The following SMIM21 variants were observed in gnomAD, a reference collection of about 807,000 sequenced individuals.
The protein encoded by SMIM21 is small integral membrane protein 21, also known as chromosome 18 open reading frame 62.
A neutral mutation model predicts 8.6 loss-of-function variants in SMIM21; 8 were observed. The ratio of observed to expected loss-of-function variants is 0.93; its 90% CI spans 0.55 to 1.68. The LOEUF is 1.68. Among genes scored for constraint, SMIM21 ranks in the 40% most tolerant of loss-of-function variants. SMIM21 has a pLI of 0.00. For synonymous variants in SMIM21, 43 were observed against 41.7 expected, an observed-to-expected ratio of 1.03 and a Z score of -0.12; for missense variants, 132 against 123.0, an observed-to-expected ratio of 1.07 and a Z score of -0.35.
At chr18:75,420,638 G>GTAA in intron 1 of SMIM21, among the ~76,000 whole-genome samples, 1 of 152,348 alleles carries the variant, frequency 6.6e-6, no homozygotes, top group African/African-American at 2.4e-5. Flanking sequence ...GGGCTGAGGA[G>GTAA]TAAGTGATTA....
chr18:75,422,448 A>G (rs938321898), intron 1 of SMIM21, among the ~76,000 whole-genome samples: 1 of 152,188 alleles, frequency 6.6e-6, no homozygotes, highest in Admixed American at 6.5e-5. Context: ...ACAACATAGC[A>G]GTTCTGGTCA....
At chr18:75,411,437 C>T (rs1202441481) in intron 2 of SMIM21, among the ~76,000 whole-genome samples, 2 of 152,232 alleles carry the variant, frequency 1.3e-5, no homozygotes, top group African/African-American at 2.4e-5. Flanking sequence ...CACGGCTAAC[C>T]GTTTTGCTGT....
At chr18:75,418,220 G>A (rs1321187455) in intron 2 of SMIM21, 1 of 398,366 alleles carries the variant, frequency 2.5e-6, no homozygotes, top group African/African-American at 2.1e-5. Context: ...AAATTAATAT[G>A]CCTTCCAGTT....
In SMIM21 at chr18:75,427,601, G is replaced by C; in HGVS notation, c.-38C>G. The C allele has an allele frequency of 6.5e-7, 1 of 1,550,044 alleles. No individual in the cohort carries two copies. Among genetic ancestry groups the C allele is most frequent in the South Asian group, 1.2e-5 (1 of 82,010 alleles). On this transcript the variant is annotated 5_prime_UTR_variant, in exon 1 of 3. It adds an upstream start codon to the 5' untranslated region. Transcript: ENST00000579022. ...GCGGTGACCAGTGAGAGGTCTCCTT[G>C]ATGACAGCGACTCTGAGGACACAGA... is the stretch of plus-strand genomic sequence containing the variant.
At chr18:75,419,893 G>A (rs920115663) in intron 1 of SMIM21, among the ~76,000 whole-genome samples, 7 of 152,132 alleles carry the variant, frequency 4.6e-5, no homozygotes, top group South Asian at 2.1e-4. Context: ...TGCCTCTTTC[G>A]TGTTATGAGG....
intron 2 of SMIM21, among the ~76,000 whole-genome samples, chr18:75,412,756 C>T (rs1425461747): frequency 6.6e-6 from 1 of 152,102 alleles, no homozygotes; most frequent in African/African-American, 2.4e-5. Context: ...TGCTGAGTCT[C>T]AGGAAGACTC....
intron 1 of SMIM21, among the ~76,000 whole-genome samples, chr18:75,426,750 C>T (rs1445679977): frequency 6.6e-6 from 1 of 151,526 alleles, no homozygotes; most frequent in Non-Finnish European, 1.5e-5. Flanking sequence ...CTGCTCCCAT[C>T]CATCTCCTCT....
At chr18:75,417,265 C>A (rs2024656702) in intron 2 of SMIM21, 1 of 152,172 alleles carries the variant, frequency 6.6e-6, no homozygotes, top group Non-Finnish European at 1.5e-5. Context: ...AAGGGCAGCT[C>A]CCGCTAAATC....
At chr18:75,418,981 G>T (rs943377245) in intron 1 of SMIM21, 65 bp from the exon 2 acceptor site, 5 of 983,358 alleles carry the variant, frequency 5.1e-6, no homozygotes, top group African/African-American at 1.6e-5. Flanking sequence ...CATGCTACAA[G>T]CAGCTAACTC....
At chr18:75,414,738 G>A (rs779239879) in intron 2 of SMIM21, among the ~76,000 whole-genome samples, 3 of 152,134 alleles carry the variant, frequency 2.0e-5, no homozygotes, top group Non-Finnish European at 4.4e-5. Flanking sequence ...AAGAGGATCC[G>A]GGAGAGTGGG....
chr18:75,416,890 G>A (rs2024651896), intron 2 of SMIM21: 1 of 152,118 alleles, frequency 6.6e-6, no homozygotes, highest in South Asian at 2.1e-4. Context: ...TAAGTTGGGA[G>A]GCTTTTCAAC....
chr18:75,426,296 T>TC (rs1248267011), intron 1 of SMIM21, among the ~76,000 whole-genome samples: 6 of 68,078 alleles, frequency 8.8e-5, no homozygotes, highest in Non-Finnish European at 2.1e-4. Flanking sequence ...TATTTATTTG[T>TC]TTGTTTGTTT....
chr18:75,423,394 G>A lies in SMIM21; in HGVS notation c.129+4041C>T, dbSNP rs147188548. 5.2e-3 allele frequency among the ~76,000 whole-genome samples: 789 copies of A among 152,356 alleles called. 2 individuals are homozygous for A. The highest frequency in any genetic ancestry group is 8.4e-3 in the Non-Finnish European group (571 of 68,032). On this transcript the variant is annotated intron_variant, in intron 1 of 2. Coordinates refer to ENST00000579022, the MANE Select transcript of SMIM21 (RefSeq NM_001037331.3). Reference sequence around the variant, plus strand: ...GAAGGAGAAAAACCTTGGAAACAGAGTTAGGAGATAAATGTGTTTCTATAG... The same window carrying A: ...GAAGGAGAAAAACCTTGGAAACAGAATTAGGAGATAAATGTGTTTCTATAG...
chr18:75,418,269 C>T (rs1410054286), intron 2 of SMIM21: 12 of 397,758 alleles, frequency 3.0e-5, no homozygotes, highest in Non-Finnish European at 4.9e-5. Flanking sequence ...GCCAATTGTA[C>T]ACTTATCTGT....
intron 1 of SMIM21, among the ~76,000 whole-genome samples, chr18:75,425,351 A>G (rs995072777): frequency 3.3e-5 from 5 of 152,206 alleles, no homozygotes; most frequent in Non-Finnish European, 7.3e-5. Flanking sequence ...GATCAGAAAC[A>G]TAGTGGAACC....
chr18:75,422,126 G>C (rs932809829), intron 1 of SMIM21, among the ~76,000 whole-genome samples: 2 of 152,164 alleles, frequency 1.3e-5, no homozygotes, highest in Non-Finnish European at 2.9e-5. Flanking sequence ...AGGGCCACTG[G>C]CCCAGAATTC....
At chr18:75,426,729 A>T (rs1175063879) in intron 1 of SMIM21, among the ~76,000 whole-genome samples, 2 of 150,686 alleles carry the variant, frequency 1.3e-5, no homozygotes, top group Non-Finnish European at 1.5e-5. Flanking sequence ...GAGGAAGGAG[A>T]TGCTACCTGC....
chr18:75,427,352 G>C, intron 1 of SMIM21, 83 bp downstream of exon 1: 1 of 1,429,156 alleles, frequency 7.0e-7, no homozygotes, highest in South Asian at 1.6e-5. Flanking sequence ...CAGGAGATTG[G>C]GGCAAAAGAG....
intron 1 of SMIM21, among the ~76,000 whole-genome samples, chr18:75,426,812 A>G (rs2024769645): frequency 6.6e-6 from 1 of 152,154 alleles, no homozygotes; most frequent in African/African-American, 2.4e-5. Flanking sequence ...AAGACATTCC[A>G]GAAATTTTGT....
Sources: allele counts gnomAD v4.1 joint callset (sites outside exome capture counted in the v4.1 genomes callset), GRCh38; gene constraint gnomAD v4.1.1; transcripts MANE v1.5; gene names NCBI Gene and HGNC (gene_info 2026-07-23, HGNC 2026-07-21).